The following PDE3B variants were observed in gnomAD, a reference collection of about 807,000 sequenced individuals.
PDE3B encodes phosphodiesterase 3B.
Under a neutral mutation model 116.8 loss-of-function variants are expected in PDE3B, and 66 were observed. The observed-to-expected ratio is 0.56, with a 90% confidence interval of 0.46 to 0.69. The LOEUF (loss-of-function observed/expected upper bound fraction) is 0.69. PDE3B is among the 30% of genes least tolerant of loss of function. PDE3B has a pLI of 0.00. For synonymous variants in PDE3B, 595 were observed against 533.6 expected (o/e 1.12, Z -1.59); for missense variants, 1,384 against 1,368.1 (o/e 1.01, Z -0.18).
At chr11:14,706,745 A>G (rs941248285) in intron 1 of PDE3B, among the ~76,000 whole-genome samples, 1 of 152,016 alleles carries the variant, frequency 6.6e-6, no homozygotes, top group African/African-American at 2.4e-5. Context: ...CATTAGGTGC[A>G]TACAATACAC....
At chr11:14,771,815 C>T (rs928295267) in intron 1 of PDE3B, 122 bp from the exon 2 acceptor site, 5 of 402,768 alleles carry the variant, frequency 1.2e-5, no homozygotes, top group African/African-American at 1.0e-4. Flanking sequence ...TTTCACCATT[C>T]CAATATCTCT....
intron 5 of PDE3B, among the ~76,000 whole-genome samples, chr11:14,812,360 C>T (rs548313815): frequency 3.3e-5 from 5 of 152,162 alleles, no homozygotes; most frequent in South Asian, 2.1e-4. Context: ...GCAGAAAATC[C>T]TCAAATTATA....
chr11:14,826,444 C>G (rs984198943), intron 7 of PDE3B, among the ~76,000 whole-genome samples: 7 of 151,942 alleles, frequency 4.6e-5, no homozygotes, highest in African/African-American at 1.5e-4. Context: ...GGGGTGGTAC[C>G]ACTGACCCCA....
intron 1 of PDE3B, among the ~76,000 whole-genome samples, chr11:14,744,096 A>G (rs1209086459): frequency 2.6e-5 from 4 of 152,158 alleles, no homozygotes; most frequent in African/African-American, 9.6e-5. Flanking sequence ...CCACAGATAT[A>G]TAGGTTTATT....
chr11:14,857,030 CTTAT>C (rs1306983998), intron 12 of PDE3B, among the ~76,000 whole-genome samples: 3 of 151,976 alleles, frequency 2.0e-5, no homozygotes, highest in African/African-American at 7.3e-5. Context: ...TCTTTTTGTT[CTTAT>C]TTAAGTGTTA....
intron 1 of PDE3B, among the ~76,000 whole-genome samples, chr11:14,653,366 G>T (rs1853619024): frequency 1.3e-5 from 2 of 152,110 alleles, no homozygotes; most frequent in Non-Finnish European, 2.9e-5. Context: ...ATTCAGCAGT[G>T]CCTAGTCAAA....
At chr11:14,757,559 A>G (rs1200095843) in intron 1 of PDE3B, among the ~76,000 whole-genome samples, 4 of 137,806 alleles carry the variant, frequency 2.9e-5, no homozygotes, top group African/African-American at 1.1e-4. Context: ...GCCAGTGATG[A>G]TGAGCATTTT....
chr11:14,688,320 C>T (rs1288215296), intron 1 of PDE3B, among the ~76,000 whole-genome samples: 5 of 152,138 alleles, frequency 3.3e-5, no homozygotes, highest in Admixed American at 6.5e-5. Context: ...ATCAGAGTTG[C>T]ATGTTTTTAA....
At chr11:14,725,226 C>G (rs969395877) in intron 1 of PDE3B, among the ~76,000 whole-genome samples, 4 of 152,170 alleles carry the variant, frequency 2.6e-5, no homozygotes, top group Admixed American at 2.0e-4. Flanking sequence ...TTGGCAGGCT[C>G]AAACTTCCAG....
intron 1 of PDE3B, among the ~76,000 whole-genome samples, chr11:14,647,605 A>G (rs931982407): frequency 2.0e-4 from 31 of 152,028 alleles, no homozygotes; most frequent in Non-Finnish European, 4.0e-4. Flanking sequence ...GAAAAAGATG[A>G]GCAAATATCC....
At chr11:14,789,928 T>G (rs1381092744) in intron 4 of PDE3B, among the ~76,000 whole-genome samples, 1 of 151,988 alleles carries the variant, frequency 6.6e-6, no homozygotes, top group Non-Finnish European at 1.5e-5. Flanking sequence ...GATCCTTGTG[T>G]GAGTTTGTCA....
intron 5 of PDE3B, among the ~76,000 whole-genome samples, chr11:14,806,644 G>A (rs1858934990): frequency 6.6e-6 from 1 of 151,594 alleles, no homozygotes; most frequent in Non-Finnish European, 1.5e-5. Flanking sequence ...CGGATCACGA[G>A]GTCAGGAGAT....
At chr11:14,862,872 G>C (rs1847976451) in intron 14 of PDE3B, among the ~76,000 whole-genome samples, 1 of 152,064 alleles carries the variant, frequency 6.6e-6, no homozygotes, top group African/African-American at 2.4e-5. Flanking sequence ...GTGCCCGGCT[G>C]TTCTTAAATC....
chr11:14,861,861 T>C (rs182071724), intron 14 of PDE3B, among the ~76,000 whole-genome samples: 40 of 152,358 alleles, frequency 2.6e-4, no homozygotes, highest in African/African-American at 6.7e-4. Flanking sequence ...GTCTTATACA[T>C]TGGCATGCTT....
intron 12 of PDE3B, among the ~76,000 whole-genome samples, chr11:14,850,985 T>TC (rs1479487888): frequency 1.3e-5 from 2 of 149,334 alleles, no homozygotes; most frequent in Non-Finnish European, 3.0e-5. Context: ...CCAGCTATTT[T>TC]TTTTTTTTTT....
chr11:14,767,838 A>G (rs991242209), intron 1 of PDE3B, among the ~76,000 whole-genome samples: 7 of 151,444 alleles, frequency 4.6e-5, no homozygotes, highest in Middle Eastern at 3.2e-3. Flanking sequence ...TTGATAAATA[A>G]TGGCTAATAT....
At position 14,644,154 on chromosome 11, in the gene PDE3B, C is replaced by G. The variant is rs532757689; in HGVS notation, c.79C>G (p.Leu27Val). 1.9e-6 allele frequency: 3 copies of G among 1,593,744 alleles called. No homozygotes were observed. Among genetic ancestry groups the G allele is most frequent in the Non-Finnish European group, 2.5e-6 (3 of 1,177,158 alleles). ...TGGGGCCGGCTCGCCCCCCGAGAGTCTGAGGAACGGCTACGTGAAGAGCTG... is the reference window on the plus strand; with the variant it reads ...TGGGGCCGGCTCGCCCCCCGAGAGTGTGAGGAACGGCTACGTGAAGAGCTG... The part of the protein sequence containing the change: ...PDGAGSPPES[L>V]RNGYVKSCVS... Residue 27 changes from leucine to valine, a missense_variant, in exon 1 of 16, where the codon CTG (leucine) becomes GTG (valine). Transcript: ENST00000282096.
rs763770369 is a variant in PDE3B at position 14,644,362 on chromosome 11, C to G, written c.287C>G (p.Ala96Gly). The change falls in exon 1 of 16, where the codon GCG becomes GGG. Residue 96 changes from alanine to glycine, a missense_variant. Ala to Gly is a moderately conservative substitution (Grantham distance 60). Around this residue, in one of 2 missense-constraint regions of PDE3B, gnomAD observed 956 missense variants for 806.8 expected, o/e 1.18. Transcript: ENST00000282096. ...TTTGTCCTCGCCCTGCTGCTGGGCG[C>G]GGAACCCGAGAGCTGGGCTGCCGGG... is the stretch of plus-strand genomic sequence containing the variant. ...AAFVLALLLG[A>G]EPESWAAGAA... The G allele has an allele frequency of 4.4e-6, 7 of 1,593,846 alleles. No homozygotes were observed. Among genetic ancestry groups the G allele is most frequent in the African/African-American group, 2.7e-5 (2 of 73,732 alleles).
chr11:14,760,272 T>A (rs1007354890), intron 1 of PDE3B, among the ~76,000 whole-genome samples: 2 of 152,200 alleles, frequency 1.3e-5, no homozygotes, highest in African/African-American at 4.8e-5. Flanking sequence ...TTAGTAGTGT[T>A]CATAGATTCT....
Sources: allele counts gnomAD v4.1 joint callset (sites outside exome capture counted in the v4.1 genomes callset), GRCh38; gene constraint gnomAD v4.1.1; regional missense constraint gnomAD v4.1.1; transcripts MANE v1.5; gene names NCBI Gene and HGNC (gene_info 2026-07-23, HGNC 2026-07-21).